The following CRELD2 variants were observed in gnomAD, a reference collection of about 807,000 sequenced individuals.
The protein encoded by CRELD2 is CRELD disulfide isomerase 2, also known as protein disulfide isomerase CRELD2.
A neutral mutation model predicts 48.1 loss-of-function variants in CRELD2; 33 were observed. The observed-to-expected ratio is 0.69, with a 90% CI of 0.52 to 0.92. CRELD2 has a LOEUF of 0.92. Among genes scored for constraint, CRELD2 ranks in the 40% least tolerant of loss-of-function variants. The pLI is 0.00. For missense variants in CRELD2, 477 were observed against 482.4 expected, an observed-to-expected ratio of 0.99 and a Z score of 0.10; for synonymous variants, 220 against 203.9, an observed-to-expected ratio of 1.08 and a Z score of -0.67.
intron 9 of CRELD2, 108 bp downstream of exon 9, chr22:49,925,665 T>C (rs2060754695): frequency 6.4e-7 from 1 of 1,559,912 alleles, no homozygotes; most frequent in African/African-American, 1.4e-5. Context: ...GGCCTTGAGA[T>C]GGTGAGAGGG....
At chr22:49,919,152 C>A (rs1226747903) in intron 1 of CRELD2, 78 bp from the exon 2 acceptor site, 1 of 1,383,410 alleles carries the variant, frequency 7.2e-7, no homozygotes, top group Non-Finnish European at 1.0e-6. Flanking sequence ...GGAGTCCCCT[C>A]ACCCTCGACC....
Position 49,922,284 on chromosome 22 carries a change from C to T in CRELD2, c.593-328C>T, listed in dbSNP as rs950956002. On this transcript the variant is annotated intron_variant, in intron 5 of 9. Transcript: ENST00000328268. The stretch of plus-strand genomic sequence containing the variant: ...TCAGGACCGGCCTCTCCGATTCTTA[C>T]GCCCCTCAGCAGTCAGGACCGGCCT... 71 of 1,545,242 alleles carry T rather than the reference C, an allele frequency of 4.6e-5. 1 individual carries two copies. The highest frequency in any genetic ancestry group is 6.2e-5 in the African/African-American group (4 of 64,758).
intron 9 of CRELD2, chr22:49,926,181 C>T (rs1429032896): frequency 6.5e-6 from 1 of 152,764 alleles, no homozygotes; most frequent in African/African-American, 2.4e-5. Flanking sequence ...TCTGTCCAAA[C>T]CTCCCCTCTT....
chr22:49,922,246 C>T lies in CRELD2; in HGVS notation c.593-366C>T, dbSNP rs868455097. 3.5e-5 allele frequency: 54 copies of T among 1,555,434 alleles called. No homozygotes were observed. In the Admixed American group the frequency reaches 3.8e-4, roughly 11 times the overall value. ...CTAGGCTATTCTGGGCAGACAGACC[C>T]GTGGATCGATAGTCAGGACCGGCCT... is the stretch of plus-strand genomic sequence containing the variant. On this transcript the variant is annotated intron_variant, in intron 5 of 9. Coordinates refer to ENST00000328268, the MANE Select transcript of CRELD2 (RefSeq NM_024324.5).
At position 49,923,324 on chromosome 22, in the gene CRELD2, C is replaced by A. The variant is rs1371624162; in HGVS notation, c.772+7C>A. 6.7e-7 allele frequency: 1 copy of A among 1,502,864 alleles called. No individual in the cohort carries two copies. Among genetic ancestry groups the A allele is most frequent in the Non-Finnish European group, 8.9e-7 (1 of 1,120,620 alleles). The allele number at this position is 1,502,864 out of a possible 1,614,324, so 93.1% of individuals were successfully genotyped here. On this transcript the variant is annotated splice_region_variant and intron_variant, in intron 7 of 9. Coordinates refer to ENST00000328268, the MANE Select transcript of CRELD2 (RefSeq NM_024324.5). ...GGCTCCTACACGTGCGAAGGTGGGCCAGGCGGGCGGGTCTGCACTCCGGGG... is the reference window on the plus strand; with the variant it reads ...GGCTCCTACACGTGCGAAGGTGGGCAAGGCGGGCGGGTCTGCACTCCGGGG...
intron 5 of CRELD2, 103 bp from the exon 6 acceptor site, chr22:49,922,509 C>G (rs1011992184): frequency 6.7e-7 from 1 of 1,491,294 alleles, no homozygotes; most frequent in African/African-American, 1.4e-5. Context: ...CTGAAAATCC[C>G]GTGTTGCTTT....
At chr22:49,920,903 C>T (rs1214547050) in intron 4 of CRELD2, among the ~76,000 whole-genome samples, 1 of 152,254 alleles carries the variant, frequency 6.6e-6, no homozygotes, top group Admixed American at 6.5e-5. Context: ...TCCCACTCTC[C>T]CTGCAGTCCC....
intron 7 of CRELD2, 36 bp downstream of exon 7, chr22:49,923,353 G>GCACTCCGGGGCCTA (rs200232280): frequency 2.6e-6 from 4 of 1,528,928 alleles, no homozygotes; most frequent in Non-Finnish European, 3.6e-6. Flanking sequence ...TCCGGGGCCT[G>GCACTCCGGGGCCTA]CCGGGTTTCG....
At position 49,924,441 on chromosome 22, in the gene CRELD2, A is replaced by G. The variant is rs1196875389; in HGVS notation, c.854A>G (p.His285Arg). Residue 285 changes from histidine (H) to arginine (R), a missense_variant, in exon 8 of 10, where the codon CAC becomes CGC. Physicochemically the swap from His to Arg is conservative, Grantham distance 29. Coordinates refer to ENST00000328268, the MANE Select transcript of CRELD2 (RefSeq NM_024324.5). ...KECISGYARE[H>R]GQCADVDECS... Reference sequence around the variant, plus strand: ...TGTATCTCTGGCTACGCGAGGGAGCACGGACAGTGTGCAGGTCAGTGACGG... The same window carrying G: ...TGTATCTCTGGCTACGCGAGGGAGCGCGGACAGTGTGCAGGTCAGTGACGG... 3 of 1,607,996 alleles carry G rather than the reference A, an allele frequency of 1.9e-6. No individual in the cohort carries two copies. Among genetic ancestry groups the G allele is most frequent in the Non-Finnish European group, 2.5e-6 (3 of 1,177,052 alleles).
intron 7 of CRELD2, chr22:49,923,661 G>A (rs1314277495): frequency 7.0e-6 from 3 of 431,160 alleles, no homozygotes; most frequent in East Asian, 4.8e-5. Flanking sequence ...ACGTCTCTGC[G>A]TCCTGTGGTT....
At chr22:49,919,000 G>C in intron 1 of CRELD2, 102 bp downstream of exon 1, 4 of 1,065,738 alleles carry the variant, frequency 3.8e-6, no homozygotes, top group Non-Finnish European at 5.2e-6. Context: ...CCTCACCCTG[G>C]ATCCGGGGTC....
chr22:49,923,590 G>A (rs984334438), intron 7 of CRELD2: 6 of 560,608 alleles, frequency 1.1e-5, no homozygotes, highest in East Asian at 6.4e-5. Flanking sequence ...CCCCCGCAAC[G>A]TGCCCTGCGT....
intron 4 of CRELD2, 135 bp from the exon 5 acceptor site, chr22:49,921,450 C>T: frequency 1.1e-6 from 1 of 931,344 alleles, no homozygotes; most frequent in African/African-American, 1.7e-5. Context: ...TCCCCAAACA[C>T]CCACTCCAAG....
intron 5 of CRELD2, chr22:49,922,074 G>A (rs138731249): frequency 0.018 from 11,091 of 622,040 alleles, 148 homozygotes; most frequent in Non-Finnish European, 0.024. Context: ...TGTGGGCCCC[G>A]CACCGGCCCA....
intron 6 of CRELD2, among the ~76,000 whole-genome samples, chr22:49,923,009 G>T (rs1352525027): frequency 6.6e-6 from 1 of 151,496 alleles, no homozygotes; most frequent in African/African-American, 2.4e-5. Flanking sequence ...GCCCCGGTTG[G>T]CACTGAGTGT....
chr22:49,918,657 T>A lies in CRELD2; in HGVS notation c.-113T>A. On this transcript the variant is annotated 5_prime_UTR_variant, in exon 1 of 10. Transcript: ENST00000328268. ...GCGGGGCCTCGCCGGCGCCGTCAAG[T>A]AGCCTGGGGGACAGGCCGGCGCGGC... The A allele has an allele frequency of 2.7e-6, 1 of 374,650 alleles. No homozygotes were observed. Among genetic ancestry groups the A allele is most frequent in the Non-Finnish European group, 4.6e-6 (1 of 217,422 alleles). The allele number at this position is 374,650 out of a possible 1,614,324, so 23.2% of individuals were successfully genotyped here.
Position 49,921,668 on chromosome 22 carries a change from C to A in CRELD2, c.499C>A (p.Arg167=), listed in dbSNP as rs774567957. ...GAGCAGACAGGGCGACGGGTCCTGC[C>A]GGTGCCACATGGGGTACCAGGGCCC... ...DGSRQGDGSC[R]CHMGYQGPLC... The change falls in exon 5 of 10, where the codon CGG becomes AGG. Residue 167 remains arginine (R), a synonymous_variant. Coordinates refer to ENST00000328268, the MANE Select transcript of CRELD2 (RefSeq NM_024324.5). 6.2e-7 allele frequency: 1 copy of A among 1,612,910 alleles called. No individual in the cohort carries two copies. The highest frequency in any genetic ancestry group is 8.5e-7 in the Non-Finnish European group (1 of 1,179,974).
At chr22:49,923,136 C>A in intron 6 of CRELD2, 98 bp from the exon 7 acceptor site, 1 of 960,682 alleles carries the variant, frequency 1.0e-6, no homozygotes, top group Non-Finnish European at 1.5e-6. Flanking sequence ...CTTCCCCAGC[C>A]GGCCCTGGCC....
intron 1 of CRELD2, 64 bp downstream of exon 1, chr22:49,918,962 G>C (rs2060644545): frequency 1.5e-6 from 2 of 1,295,166 alleles, no homozygotes; most frequent in Middle Eastern, 2.8e-4. Flanking sequence ...CTGCATCCGG[G>C]GTCGCCCCAC....
Sources: gnomAD v4.1 joint callset for allele counts (sites outside exome capture counted in the v4.1 genomes callset) on GRCh38, gnomAD v4.1.1 for gene constraint, MANE v1.5 for transcripts, NCBI Gene and HGNC (gene_info 2026-07-23, HGNC 2026-07-21) for gene names.